CIMIP2B: variants seen among roughly 807,000 people sequenced by gnomAD.
CIMIP2B encodes ciliary microtubule inner protein 2B.
chr9:35,561,975 T>C, the CIMIP2B span: 1 of 1,045,824 alleles, frequency 9.6e-7, no homozygotes, highest in Non-Finnish European at 1.2e-6. Flanking sequence ...TGGGATAGGA[T>C]GAAAAGGGAA....
chr9:35,562,354 A>T, the CIMIP2B span: 1 of 1,424,884 alleles, frequency 7.0e-7, no homozygotes, highest in Non-Finnish European at 9.3e-7. Flanking sequence ...TCCAGTCCCC[A>T]AAGCCTCCCC....
At chr9:35,562,139 C>T in the CIMIP2B span, 21 of 1,409,206 alleles carry the variant, frequency 1.5e-5, no homozygotes, top group African/African-American at 2.9e-4. Flanking sequence ...AGTGGCATGG[C>T]AAAGCCATTT....
chr9:35,561,878 A>T, the CIMIP2B span: 1 of 691,772 alleles, frequency 1.4e-6, no homozygotes, highest in African/African-American at 1.8e-5. Context: ...TTAATAAAAA[A>T]GGTGCTCAGC....
the CIMIP2B span, among the ~76,000 whole-genome samples, chr9:35,563,567 A>C: frequency 6.6e-6 from 1 of 152,166 alleles, no homozygotes; most frequent in Non-Finnish European, 1.5e-5. Context: ...CCCTGTTCCC[A>C]TGGAGAGAAC....
At chr9:35,563,388 A>G in the CIMIP2B span, 1 of 1,605,254 alleles carries the variant, frequency 6.2e-7, no homozygotes. Flanking sequence ...TGTCCAGTGT[A>G]CCTGCAGCAC....
the CIMIP2B span, chr9:35,562,053 T>G: frequency 3.3e-6 from 5 of 1,535,742 alleles, no homozygotes; most frequent in East Asian, 7.3e-5. Flanking sequence ...CAGAGCATCA[T>G]GGGTGAGATG....
At chr9:35,562,639 C>G in the CIMIP2B span, 2 of 1,613,102 alleles carry the variant, frequency 1.2e-6, no homozygotes, top group Middle Eastern at 1.6e-4. Context: ...CCTGACCCCC[C>G]AGCTCTCACC....
the CIMIP2B span, chr9:35,561,934 C>CCAA: frequency 4.0e-6 from 2 of 498,770 alleles, no homozygotes; most frequent in Non-Finnish European, 7.6e-6. Flanking sequence ...CCCACCCTCC[C>CCAA]ACCCACCTCT....
At chr9:35,562,749 G>A in the CIMIP2B span, 2 of 1,611,872 alleles carry the variant, frequency 1.2e-6, no homozygotes, top group African/African-American at 1.3e-5. Flanking sequence ...AGGAGGTGGA[G>A]CTGACAATCA....
chr9:35,562,119 A>C, the CIMIP2B span: 1 of 1,487,460 alleles, frequency 6.7e-7, no homozygotes, highest in Non-Finnish European at 9.0e-7. Context: ...AGAGTCTGTC[A>C]CATGTAGCAA....
the CIMIP2B span, chr9:35,562,593 A>G: frequency 6.2e-7 from 1 of 1,608,158 alleles, no homozygotes; most frequent in Non-Finnish European, 8.5e-7. Flanking sequence ...GGGGACACTG[A>G]GCCAAGGCAT....
the CIMIP2B span, chr9:35,562,337 C>CA: frequency 7.7e-7 from 1 of 1,292,696 alleles, no homozygotes; most frequent in East Asian, 2.6e-5. Context: ...CCCATACAAA[C>CA]AAACATTCCA....
chr9:35,562,211 C>G, the CIMIP2B span: 1 of 1,005,132 alleles, frequency 9.9e-7, no homozygotes, highest in East Asian at 2.6e-5. Context: ...TAATTCCCCA[C>G]TGTGGGTAGC....
the CIMIP2B span, chr9:35,562,279 C>T: frequency 9.0e-7 from 1 of 1,108,126 alleles, no homozygotes; most frequent in Non-Finnish European, 1.3e-6. Context: ...CTGAGCCCTC[C>T]CATATCTATT....
the CIMIP2B span, chr9:35,562,604 C>T: frequency 3.2e-5 from 52 of 1,610,166 alleles, no homozygotes; most frequent in Non-Finnish European, 4.2e-5. Context: ...GCCAAGGCAT[C>T]CTGGGGCCTC....
At chr9:35,563,072 G>C in the CIMIP2B span, 1 of 1,613,942 alleles carries the variant, frequency 6.2e-7, no homozygotes, top group East Asian at 2.2e-5. Context: ...TGTGCCCGGG[G>C]TACAAAACCT....
the CIMIP2B span, chr9:35,561,919 A>ACCCCCCCCCC: frequency 9.2e-6 from 1 of 109,272 alleles, no homozygotes; most frequent in South Asian, 5.7e-5. Flanking sequence ...GTGTTCCCCC[A>ACCCCCCCCCC]CCCTCCCACC....
the CIMIP2B span, chr9:35,561,916 CCCACCCT>C: frequency 2.4e-5 from 3 of 122,516 alleles, no homozygotes; most frequent in Non-Finnish European, 3.7e-5. Flanking sequence ...TTTGTGTTCC[CCCACCCT>C]CCCACCCTCC....
chr9:35,562,805 C>T, the CIMIP2B span: 9 of 1,609,526 alleles, frequency 5.6e-6, no homozygotes, highest in Admixed American at 5.0e-5. Flanking sequence ...ATGCTGCCCC[C>T]ACTGCCCGGA....
Sources: gnomAD v4.1 joint callset for allele counts (sites outside exome capture counted in the v4.1 genomes callset) on GRCh38, gnomAD v4.1.1 for gene constraint, MANE v1.5 for transcripts, NCBI Gene and HGNC (gene_info 2026-07-23, HGNC 2026-07-21) for gene names.